MYO3B: variants seen among roughly 807,000 people sequenced by gnomAD.
MYO3B encodes the protein myosin-IIIb.
A neutral mutation model predicts 174.6 loss-of-function variants in MYO3B; 156 were observed. That is an observed-to-expected ratio of 0.89 (90% CI 0.78 to 1.02). MYO3B has a LOEUF of 1.02. Ranked by LOEUF, MYO3B falls within the 50% of genes least tolerant of loss-of-function variation. MYO3B has a pLI of 0.00. For missense variants in MYO3B, 1,632 were observed against 1,639.4 expected, an observed-to-expected ratio of 1.00 and a Z score of 0.08; for synonymous variants, 563 against 569.1, an observed-to-expected ratio of 0.99 and a Z score of 0.15.
At chr2:170,199,556 T>A (rs2092638836) in intron 2 of MYO3B, among the ~76,000 whole-genome samples, 165 bp downstream of exon 2, 1 of 152,204 alleles carries the variant, frequency 6.6e-6, no homozygotes, top group Admixed American at 6.5e-5. Context: ...CCACTTGGAG[T>A]TAAAGCTTCC....
rs200776153 is a variant in MYO3B at position 170,401,740 on chromosome 2, C to T, written c.2129+49C>T. 1.8e-4 allele frequency: 274 copies of T among 1,543,186 alleles called. No individual in the cohort carries two copies. The Middle Eastern group carries it at 1.9e-3, about 11-fold the overall frequency. ...GTCTCAGGAGAGCTGTCATTGACCC[C>T]GCCGTCTCTTAGAGTTTGCAAAAGG... On this transcript the variant is annotated intron_variant, in intron 18 of 34. Transcript: ENST00000408978.
chr2:170,250,734 T>C (rs11886760), intron 7 of MYO3B, among the ~76,000 whole-genome samples: 2,256 of 152,016 alleles, frequency 0.015, 63 homozygotes, highest in African/African-American at 0.052. Context: ...ATGTTGAATG[T>C]GGGGTTTTAT....
intron 25 of MYO3B, among the ~76,000 whole-genome samples, chr2:170,470,555 G>A (rs1684924589): frequency 6.6e-6 from 1 of 152,118 alleles, no homozygotes; most frequent in South Asian, 2.1e-4. Flanking sequence ...GAATAATGCT[G>A]CTATGAATAT....
At chr2:170,380,443 G>A (rs2094326920) in intron 9 of MYO3B, among the ~76,000 whole-genome samples, 1 of 152,126 alleles carries the variant, frequency 6.6e-6, no homozygotes. Context: ...ATTTATAGAT[G>A]AAGAAAACCG....
chr2:170,540,325 A>G (rs920127803), intron 30 of MYO3B, among the ~76,000 whole-genome samples: 13 of 151,112 alleles, frequency 8.6e-5, no homozygotes, highest in African/African-American at 2.9e-4. Flanking sequence ...TTCTATCTCA[A>G]AAAAAAAAGA....
intron 17 of MYO3B, 84 bp downstream of exon 17, chr2:170,400,398 G>A: frequency 7.3e-7 from 1 of 1,376,100 alleles, no homozygotes; most frequent in South Asian, 1.5e-5. Flanking sequence ...AGCATTTGCT[G>A]GTCCTTTTTT....
chr2:170,396,970 C>T (rs766449952), intron 16 of MYO3B, among the ~76,000 whole-genome samples: 35 of 152,226 alleles, frequency 2.3e-4, no homozygotes, highest in African/African-American at 8.2e-4. Flanking sequence ...TGTTTTACCC[C>T]CTGGGATCTG....
chr2:170,217,183 C>T, intron 5 of MYO3B, 136 bp from the exon 6 acceptor site: 2 of 727,684 alleles, frequency 2.7e-6, no homozygotes, highest in Non-Finnish European at 5.0e-6. Context: ...TGCAGCAGAA[C>T]TGAGTAGTTG....
intron 23 of MYO3B, among the ~76,000 whole-genome samples, chr2:170,457,591 C>G (rs1683979206): frequency 6.6e-6 from 1 of 152,190 alleles, no homozygotes; most frequent in African/African-American, 2.4e-5. Context: ...ACTAATGCCA[C>G]ATCTTGTCCA....
rs1559016281 is a variant in MYO3B at position 170,453,455 on chromosome 2, A to ACACACACACAC, written c.2730+9409_2730+9410insCACACACACAC. 6.7e-3 allele frequency among the ~76,000 whole-genome samples: 679 copies of ACACACACACAC among 102,078 alleles called. 1 individual carries two copies. The highest frequency in any genetic ancestry group is 0.023 in the South Asian group (69 of 3,044). 67.0% of individuals were successfully genotyped at this position (102,078 alleles called of 152,430 possible). On this transcript the variant is annotated intron_variant, in intron 23 of 34. Coordinates refer to ENST00000408978, the MANE Select transcript of MYO3B (RefSeq NM_138995.5). Reference sequence around the variant, plus strand: ...ACACACACACACACACACACACACGAGAGAGAGAGAGAGAAAGAGAGAGCG... The same window carrying ACACACACACAC: ...ACACACACACACACACACACACACGACACACACACACGAGAGAGAGAGAGAAAGAGAGAGCG...
intron 23 of MYO3B, among the ~76,000 whole-genome samples, chr2:170,451,349 T>TA (rs1345577170): frequency 6.6e-6 from 1 of 152,268 alleles, no homozygotes; most frequent in African/African-American, 2.4e-5. Context: ...CGGCATGGCT[T>TA]ACGCCACATG....
At chr2:170,275,088 C>A (rs79523810) in intron 7 of MYO3B, among the ~76,000 whole-genome samples, 7 of 152,288 alleles carry the variant, frequency 4.6e-5, no homozygotes, top group Non-Finnish European at 8.8e-5. Flanking sequence ...GCCCGTATTT[C>A]TGAGCTCCAG....
chr2:170,246,859 C>A (rs191762575), intron 7 of MYO3B, among the ~76,000 whole-genome samples: 2 of 151,866 alleles, frequency 1.3e-5, no homozygotes, highest in Admixed American at 6.6e-5. Flanking sequence ...TGGGACAATG[C>A]GGGGAGGGAG....
chr2:170,533,696 G>A (rs893939164), intron 30 of MYO3B, among the ~76,000 whole-genome samples: 3 of 152,172 alleles, frequency 2.0e-5, no homozygotes, highest in African/African-American at 7.2e-5. Flanking sequence ...TTACGGATTT[G>A]TCTTTCAGAT....
At chr2:170,623,135 G>C (rs1696083865) in intron 32 of MYO3B, among the ~76,000 whole-genome samples, 1 of 152,204 alleles carries the variant, frequency 6.6e-6, no homozygotes, top group Non-Finnish European at 1.5e-5. Context: ...CTAGATCCCT[G>C]AGGAATCGCC....
At chr2:170,331,569 G>C (rs1174387966) in intron 7 of MYO3B, among the ~76,000 whole-genome samples, 2 of 152,018 alleles carry the variant, frequency 1.3e-5, no homozygotes, top group African/African-American at 4.8e-5. Context: ...AAACTTAGAG[G>C]CTGAAAACAA....
chr2:170,504,189 A>G (rs1687475397), intron 28 of MYO3B, among the ~76,000 whole-genome samples: 1 of 152,110 alleles, frequency 6.6e-6, no homozygotes, highest in Non-Finnish European at 1.5e-5. Context: ...TCACAGCACA[A>G]CCATTTCCGG....
intron 7 of MYO3B, among the ~76,000 whole-genome samples, chr2:170,320,932 G>A (rs1351631713): frequency 1.3e-5 from 2 of 152,168 alleles, no homozygotes; most frequent in Non-Finnish European, 2.9e-5. Context: ...TCAAAGTACT[G>A]TATAACCAAG....
chr2:170,360,206 A>G (rs1345463387), intron 8 of MYO3B, among the ~76,000 whole-genome samples: 1 of 152,190 alleles, frequency 6.6e-6, no homozygotes, highest in African/African-American at 2.4e-5. Flanking sequence ...AAGAATGCAT[A>G]CAAATGAGAA....
Sources: gnomAD v4.1 joint callset for allele counts (sites outside exome capture counted in the v4.1 genomes callset) on GRCh38, gnomAD v4.1.1 for gene constraint, MANE v1.5 for transcripts, NCBI Gene and HGNC (gene_info 2026-07-23, HGNC 2026-07-21) for gene names.